The following ZMAT4 variants were observed in gnomAD, a reference collection of about 807,000 sequenced individuals.
ZMAT4 encodes zinc finger matrin-type 4.
ZMAT4 carries 17 observed loss-of-function variants against 28.7 expected under a neutral mutation model. That is an observed-to-expected ratio of 0.59 (90% CI 0.41 to 0.89). ZMAT4 has a LOEUF of 0.89. ZMAT4 is among the 40% of genes least tolerant of loss of function. ZMAT4 has a pLI of 0.00. For missense variants in ZMAT4, 240 were observed against 283.8 expected (o/e 0.85, Z 1.11); for synonymous variants, 117 against 109.2 (o/e 1.07, Z -0.44).
intron 1 of ZMAT4, among the ~76,000 whole-genome samples, chr8:40,861,511 T>C (rs1240906701): frequency 2.0e-5 from 3 of 152,186 alleles, no homozygotes; most frequent in Admixed American, 2.0e-4. Flanking sequence ...GACATAGGCA[T>C]GGGCAAGGAC....
Position 40,575,776 on chromosome 8 carries a change from C to T in ZMAT4, c.674+5389G>A, listed in dbSNP as rs578120603. On this transcript the variant is annotated intron_variant, in intron 6 of 6. Transcript: ENST00000297737. ...ATGAAAAGTGAAGGAAACATGACAC[C>T]TCCAAAGGATCATAATTCCTCAGTA... is the stretch of plus-strand genomic sequence containing the variant. Among the ~76,000 whole-genome samples, 3 of 151,856 alleles carry T rather than the reference C, an allele frequency of 2.0e-5. No homozygotes were observed. The East Asian group carries it at 5.8e-4, about 29-fold the overall frequency.
chr8:40,896,474 C>A (rs937895817), intron 1 of ZMAT4, among the ~76,000 whole-genome samples: 1 of 152,216 alleles, frequency 6.6e-6, no homozygotes, highest in South Asian at 2.1e-4. Context: ...TGGTGAAGTG[C>A]GGTGGGCACA....
At chr8:40,671,368 C>A (rs1002455847) in intron 5 of ZMAT4, among the ~76,000 whole-genome samples, 2 of 152,118 alleles carry the variant, frequency 1.3e-5, no homozygotes, top group East Asian at 1.9e-4. Flanking sequence ...AGTCTTGTGC[C>A]GTAATGTTCA....
At chr8:40,576,398 G>A in intron 6 of ZMAT4, among the ~76,000 whole-genome samples, 1 of 151,878 alleles carries the variant, frequency 6.6e-6, no homozygotes, top group Non-Finnish European at 1.5e-5. Flanking sequence ...AAGACAAAGA[G>A]AGAATTCTAA....
Position 40,844,925 on chromosome 8 carries a change from T to G in ZMAT4, c.-4-19245A>C, listed in dbSNP as rs146507569. Among the ~76,000 whole-genome samples the G allele has an allele frequency of 3.3e-4, 51 of 152,254 alleles. No homozygotes were observed. The East Asian group carries it at 8.7e-3, about 26-fold the overall frequency. On this transcript the variant is annotated intron_variant, in intron 1 of 6. Transcript: ENST00000297737. Reference sequence around the variant, plus strand: ...GGGTAAGAACTCAGGCACCTATTGATTGCATTGGTGTGAGCTCAAATAATA... The same window carrying G: ...GGGTAAGAACTCAGGCACCTATTGAGTGCATTGGTGTGAGCTCAAATAATA...
intron 1 of ZMAT4, among the ~76,000 whole-genome samples, chr8:40,862,968 A>G (rs1817557835): frequency 1.3e-5 from 2 of 152,020 alleles, no homozygotes; most frequent in Admixed American, 6.6e-5. Flanking sequence ...TTAAAATATA[A>G]TTTAAAAAAA....
At chr8:40,688,712 T>A (rs1159371805) in intron 4 of ZMAT4, among the ~76,000 whole-genome samples, 2 of 152,186 alleles carry the variant, frequency 1.3e-5, no homozygotes, top group Non-Finnish European at 2.9e-5. Flanking sequence ...AAATTTCATA[T>A]TTCTGTTTTC....
chr8:40,827,303 C>T (rs1401576346), intron 1 of ZMAT4, among the ~76,000 whole-genome samples: 1 of 152,072 alleles, frequency 6.6e-6, no homozygotes, highest in Non-Finnish European at 1.5e-5. Context: ...TGAGAAAGTG[C>T]TATATCAACC....
At chr8:40,680,662 C>T (rs1311581099) in intron 4 of ZMAT4, among the ~76,000 whole-genome samples, 2 of 151,210 alleles carry the variant, frequency 1.3e-5, no homozygotes, top group East Asian at 1.9e-4. Flanking sequence ...AAGCTGACAA[C>T]ATACACTCCT....
At chr8:40,583,705 A>T (rs909565486) in intron 5 of ZMAT4, among the ~76,000 whole-genome samples, 2 of 152,130 alleles carry the variant, frequency 1.3e-5, no homozygotes, top group Non-Finnish European at 2.9e-5. Context: ...GCTCCTATGC[A>T]TTTTAGGGAG....
chr8:40,881,711 C>T (rs1409907446), intron 1 of ZMAT4, among the ~76,000 whole-genome samples: 1 of 152,126 alleles, frequency 6.6e-6, no homozygotes, highest in African/African-American at 2.4e-5. Context: ...CTTGAAAAAA[C>T]AGCTCTCCCC....
chr8:40,893,197 G>A lies in ZMAT4; in HGVS notation c.-5+4486C>T, dbSNP rs376318158. Among the ~76,000 whole-genome samples the A allele has an allele frequency of 8.1e-4, 124 of 152,158 alleles. 2 individuals are homozygous for A. The highest frequency in any genetic ancestry group is 7.4e-3 in the East Asian group (38 of 5,170). ...TGCTTCTTCTGTTACAACATCTTCC[G>A]AGCTGCCCTCATGGATTCCAGCTCT... is the stretch of plus-strand genomic sequence containing the variant. On this transcript the variant is annotated intron_variant, in intron 1 of 6. Coordinates refer to ENST00000297737, the MANE Select transcript of ZMAT4 (RefSeq NM_024645.3).
intron 3 of ZMAT4, among the ~76,000 whole-genome samples, chr8:40,748,894 T>A (rs1319140146): frequency 6.6e-6 from 1 of 152,184 alleles, no homozygotes; most frequent in Non-Finnish European, 1.5e-5. Flanking sequence ...ACTTGAACTG[T>A]GGCTCCCACA....
At chr8:40,679,250 A>T (rs1307665791) in intron 4 of ZMAT4, among the ~76,000 whole-genome samples, 1 of 152,194 alleles carries the variant, frequency 6.6e-6, no homozygotes, top group African/African-American at 2.4e-5. Flanking sequence ...GTAATACTAT[A>T]AAATAATATG....
At chr8:40,621,314 T>C (rs1204917296) in intron 5 of ZMAT4, among the ~76,000 whole-genome samples, 1 of 152,152 alleles carries the variant, frequency 6.6e-6, no homozygotes, top group Non-Finnish European at 1.5e-5. Flanking sequence ...AGACCAGAAC[T>C]TAGACCACTG....
intron 1 of ZMAT4, among the ~76,000 whole-genome samples, chr8:40,889,171 G>T (rs1337390124): frequency 6.6e-6 from 1 of 152,226 alleles, no homozygotes; most frequent in East Asian, 1.9e-4. Flanking sequence ...AGGTGACAGG[G>T]CCCGGAGGTG....
chr8:40,649,082 T>G (rs1056377987), intron 5 of ZMAT4, among the ~76,000 whole-genome samples: 55 of 150,758 alleles, frequency 3.6e-4, no homozygotes, highest in Admixed American at 2.8e-3. Flanking sequence ...CAATATTAAC[T>G]TTAAATGTAA....
At chr8:40,640,621 A>C (rs1488709633) in intron 5 of ZMAT4, among the ~76,000 whole-genome samples, 1 of 101,582 alleles carries the variant, frequency 9.8e-6, no homozygotes, top group African/African-American at 2.9e-5. Context: ...TAGTTCCAGA[A>C]AAAAGAAAAA....
At chr8:40,770,094 C>G (rs571589729) in intron 2 of ZMAT4, among the ~76,000 whole-genome samples, 2 of 152,240 alleles carry the variant, frequency 1.3e-5, no homozygotes, top group East Asian at 3.9e-4. Flanking sequence ...CCTAGGGTTT[C>G]CGGTGAGGAA....
Sources: gnomAD v4.1 joint callset for allele counts (sites outside exome capture counted in the v4.1 genomes callset) on GRCh38, gnomAD v4.1.1 for gene constraint, MANE v1.5 for transcripts, NCBI Gene and HGNC (gene_info 2026-07-23, HGNC 2026-07-21) for gene names.